The following CAB39 variants were observed in gnomAD, a reference collection of about 807,000 sequenced individuals.
CAB39 encodes the protein calcium binding protein 39.
In CAB39, 8 loss-of-function variants were observed where a neutral mutation model predicts 40.0. The ratio of observed to expected loss-of-function variants is 0.20; its 90% CI spans 0.12 to 0.36. CAB39 has a LOEUF of 0.36. Among genes scored for constraint, CAB39 ranks in the 10% least tolerant of loss-of-function variants. CAB39 has a pLI of 1.00. For missense variants in CAB39, 270 were observed against 401.1 expected (o/e 0.67, Z 2.79); for synonymous variants, 156 against 141.6 (o/e 1.10, Z -0.72).
At chr2:230,802,733 C>T (rs1207685929) in intron 5 of CAB39, among the ~76,000 whole-genome samples, 14 of 152,132 alleles carry the variant, frequency 9.2e-5, no homozygotes, top group Admixed American at 9.2e-4. Context: ...CTGAATAGAC[C>T]AATAACAGGC....
At position 230,729,980 on chromosome 2, in the gene CAB39, G is replaced by A. The variant is rs139140955; in HGVS notation, c.-44+16750G>A. 2.3e-3 allele frequency among the ~76,000 whole-genome samples: 356 copies of A among 152,270 alleles called. 1 individual carries two copies. The highest frequency in any genetic ancestry group is 8.1e-3 in the African/African-American group (337 of 41,550). ...GAAAATTTTTCCAGGTTGAATCAGT[G>A]TAGTATTGGCCAGAGAATACTGTCA... is the stretch of plus-strand genomic sequence containing the variant. On this transcript the variant is annotated intron_variant, in intron 1 of 8. Transcript: ENST00000258418.
chr2:230,809,219 G>A (rs1053505880), intron 5 of CAB39, among the ~76,000 whole-genome samples: 3 of 152,106 alleles, frequency 2.0e-5, no homozygotes, highest in African/African-American at 7.2e-5. Context: ...AGTGAGCTGT[G>A]GCACTTCCCT....
intron 1 of CAB39, among the ~76,000 whole-genome samples, chr2:230,737,481 C>T (rs1423985412): frequency 6.6e-6 from 1 of 152,156 alleles, no homozygotes; most frequent in African/African-American, 2.4e-5. Context: ...TTAACAATAA[C>T]CCCAGCATTT....
chr2:230,755,575 T>C (rs1695174719), intron 1 of CAB39, among the ~76,000 whole-genome samples: 1 of 152,226 alleles, frequency 6.6e-6, no homozygotes, highest in Admixed American at 6.5e-5. Flanking sequence ...GTGAAGATTT[T>C]CTCCCACTCT....
intron 5 of CAB39, among the ~76,000 whole-genome samples, chr2:230,808,464 G>A (rs932123304): frequency 2.0e-5 from 3 of 152,184 alleles, no homozygotes; most frequent in Non-Finnish European, 4.4e-5. Context: ...GGTGCTGTCC[G>A]TACTTGATAA....
chr2:230,805,373 C>T (rs952013855), intron 5 of CAB39, among the ~76,000 whole-genome samples: 5 of 151,280 alleles, frequency 3.3e-5, no homozygotes, highest in Admixed American at 3.3e-4. Flanking sequence ...ATGTTGTGTA[C>T]ATGTACCCTA....
At chr2:230,766,221 G>A (rs1695383044) in intron 2 of CAB39, among the ~76,000 whole-genome samples, 1 of 152,162 alleles carries the variant, frequency 6.6e-6, no homozygotes, top group African/African-American at 2.4e-5. Flanking sequence ...GACCTGTTGA[G>A]CATTGTTCTG....
Position 230,760,177 on chromosome 2 carries a change from A to G in CAB39, c.114+62A>G, listed in dbSNP as rs1695265766. ...AATTAGCAAATGCAAGACACCTTAT[A>G]TGAGGAATCAGTAAGTCCCAATTTG... On this transcript the variant is annotated intron_variant, in intron 2 of 8. Coordinates refer to ENST00000258418, the MANE Select transcript of CAB39 (RefSeq NM_016289.4). 4.1e-6 allele frequency: 4 copies of G among 980,434 alleles called. No homozygotes were observed. In the East Asian group the frequency reaches 7.7e-5, roughly 19 times the overall value. The allele number at this position is 980,434 out of a possible 1,614,324, so 60.7% of individuals were successfully genotyped here. A position where few individuals can be genotyped will look rare whatever the true frequency, so the allele number is the denominator to read the frequency against.
At chr2:230,745,851 C>T (rs1411814778) in intron 1 of CAB39, among the ~76,000 whole-genome samples, 2 of 151,966 alleles carry the variant, frequency 1.3e-5, no homozygotes, top group South Asian at 4.2e-4. Context: ...GTTCTTGATC[C>T]CCTGACCTTG....
rs1165395473 is a variant in CAB39 at position 230,712,940 on chromosome 2, G to C, written c.-334G>C. 6.6e-6 allele frequency: 1 copy of C among 151,540 alleles called. No homozygotes were observed. Among genetic ancestry groups the C allele is most frequent in the Non-Finnish European group, 1.5e-5 (1 of 67,976 alleles). 9.4% of individuals were successfully genotyped at this position (151,540 alleles called of 1,614,324 possible). A position where few individuals can be genotyped will look rare whatever the true frequency, so the allele number is the denominator to read the frequency against. On this transcript the variant is annotated 5_prime_UTR_variant, in exon 1 of 9. Coordinates refer to ENST00000258418, the MANE Select transcript of CAB39 (RefSeq NM_016289.4). Reference sequence around the variant, plus strand: ...ACACAGAGCCTTCAGGCGCCGGGGCGGGGGCACAGGCGAAGACTAAGGCGG... The same window carrying C: ...ACACAGAGCCTTCAGGCGCCGGGGCCGGGGCACAGGCGAAGACTAAGGCGG...
At chr2:230,739,376 G>T (rs1000638120) in intron 1 of CAB39, among the ~76,000 whole-genome samples, 13 of 152,324 alleles carry the variant, frequency 8.5e-5, no homozygotes, top group Middle Eastern at 6.8e-3. Flanking sequence ...ATAAATCATT[G>T]TAGGTAAAAC....
chr2:230,732,982 T>C (rs1694721380), intron 1 of CAB39, among the ~76,000 whole-genome samples: 1 of 152,196 alleles, frequency 6.6e-6, no homozygotes, highest in South Asian at 2.1e-4. Context: ...ATTTTAAATA[T>C]GGAATTTTTT....
intron 1 of CAB39, among the ~76,000 whole-genome samples, chr2:230,738,140 T>A (rs1694818502): frequency 6.6e-6 from 1 of 152,232 alleles, no homozygotes; most frequent in Non-Finnish European, 1.5e-5. Context: ...ACGTCTCCGC[T>A]GAAGTCTGGG....
At chr2:230,782,942 A>T (rs1293190653) in intron 2 of CAB39, among the ~76,000 whole-genome samples, 1 of 150,944 alleles carries the variant, frequency 6.6e-6, no homozygotes, top group Non-Finnish European at 1.5e-5. Context: ...CCTCCTGAGT[A>T]GCTGGCACTA....
chr2:230,798,361 G>A (rs555886312), intron 4 of CAB39, among the ~76,000 whole-genome samples: 1 of 152,262 alleles, frequency 6.6e-6, no homozygotes, highest in South Asian at 2.1e-4. Context: ...TTTAGCTTTT[G>A]GTTTTTCTGA....
chr2:230,747,814 T>C (rs754222253), intron 1 of CAB39, among the ~76,000 whole-genome samples: 1 of 152,250 alleles, frequency 6.6e-6, no homozygotes, highest in Non-Finnish European at 1.5e-5. Context: ...AATACTTTGC[T>C]AGCTATTTCA....
At chr2:230,790,027 CAGCCTG>C (rs1695866520) in intron 2 of CAB39, among the ~76,000 whole-genome samples, 3 of 152,008 alleles carry the variant, frequency 2.0e-5, no homozygotes, top group Admixed American at 2.0e-4. Context: ...AGTTTGAGAC[CAGCCTG>C]AGCAAGATGG....
At chr2:230,799,794 C>T (rs1295762431) in intron 5 of CAB39, among the ~76,000 whole-genome samples, 1 of 152,082 alleles carries the variant, frequency 6.6e-6, no homozygotes, top group Non-Finnish European at 1.5e-5. Flanking sequence ...AGTTCGAGAC[C>T]AGCCTCACCA....
At chr2:230,802,269 T>C (rs188859726) in intron 5 of CAB39, among the ~76,000 whole-genome samples, 211 of 152,274 alleles carry the variant, frequency 1.4e-3, no homozygotes, top group African/African-American at 4.8e-3. Context: ...AAACAGTGTG[T>C]AGAGGGAAAT....
Sources: gnomAD v4.1 joint callset for allele counts (sites outside exome capture counted in the v4.1 genomes callset) on GRCh38, gnomAD v4.1.1 for gene constraint, MANE v1.5 for transcripts, NCBI Gene and HGNC (gene_info 2026-07-23, HGNC 2026-07-21) for gene names.